The following DEPDC5 variants were observed in gnomAD, a reference collection of about 807,000 sequenced individuals.
DEPDC5 encodes the protein GATOR1 complex protein DEPDC5.
In DEPDC5, 73 loss-of-function variants were observed where a neutral mutation model predicts 217.3. The ratio of observed to expected loss-of-function variants is 0.34; its 90% CI spans 0.28 to 0.41. The LOEUF is 0.41. Ranked by LOEUF, DEPDC5 falls within the 10% of genes least tolerant of loss-of-function variation. The probability of loss-of-function intolerance (pLI) is 1.00; values close to 1 mark genes in which losing one functional copy is unlikely to be tolerated. For missense variants in DEPDC5, 1,675 were observed against 2,070.1 expected (o/e 0.81, Z 3.70); for synonymous variants, 733 against 756.7 (o/e 0.97, Z 0.51).
At chr22:31,899,577 AGATGGGATTTCACCACGTTGGCCAG>A (rs921100755) in intron 40 of DEPDC5, among the ~76,000 whole-genome samples, 1 of 152,080 alleles carries the variant, frequency 6.6e-6, no homozygotes, top group African/African-American at 2.4e-5. Context: ...ATTTTTGTAG[AGATGGGATTTCACCACGTTGGCCAG>A]GAAGGTCTTG....
intron 33 of DEPDC5, among the ~76,000 whole-genome samples, chr22:31,864,328 A>T: frequency 6.7e-6 from 1 of 149,482 alleles, no homozygotes. Context: ...CTGCTCTCGA[A>T]CTCCTAACCT....
chr22:31,763,494 G>C (rs774829141), intron 4 of DEPDC5, among the ~76,000 whole-genome samples: 1 of 151,416 alleles, frequency 6.6e-6, no homozygotes, highest in African/African-American at 2.4e-5. Context: ...CTGGAGTGCA[G>C]TGGTGCAGTC....
intron 24 of DEPDC5, among the ~76,000 whole-genome samples, chr22:31,831,529 C>T (rs1043674717): frequency 2.6e-5 from 4 of 152,078 alleles, no homozygotes; most frequent in African/African-American, 9.7e-5. Context: ...GTGATCTCAG[C>T]TCACTGCAAC....
chr22:31,896,523 C>CT (rs71755369), intron 39 of DEPDC5, among the ~76,000 whole-genome samples: 67 of 146,572 alleles, frequency 4.6e-4, no homozygotes, highest in East Asian at 1.4e-3. Flanking sequence ...ATCGATCAAC[C>CT]TTTTTTTTTT....
intron 5 of DEPDC5, among the ~76,000 whole-genome samples, chr22:31,766,159 T>C (rs2082800951): frequency 6.6e-6 from 1 of 152,266 alleles, no homozygotes; most frequent in Non-Finnish European, 1.5e-5. Flanking sequence ...TGAAACTATA[T>C]GTAAAACTTT....
rs1338048747 is a variant in DEPDC5 at position 31,815,052 on chromosome 22, C to T, written c.1506C>T (p.Ser502=). Residue 502 remains serine, a synonymous_variant, in exon 21 of 43, where the codon TCC becomes TCT. Coordinates refer to ENST00000651528, the MANE Select transcript of DEPDC5 (RefSeq NM_001242896.3). ...GTGCCAGCTCCTGTGATGTTTCATC[C>T]AGCCCTTCCCTACCAAGCCGCACAC... ...RKSASSCDVS[S]SPSLPSRTLP... is the part of the protein sequence containing the mutation. 1 of 1,614,056 alleles carries T rather than the reference C, an allele frequency of 6.2e-7. No individual in the cohort carries two copies. Among genetic ancestry groups the T allele is most frequent in the Non-Finnish European group, 8.5e-7 (1 of 1,180,052 alleles).
intron 8 of DEPDC5, among the ~76,000 whole-genome samples, chr22:31,779,289 G>T (rs1212161283): frequency 6.6e-6 from 1 of 152,182 alleles, no homozygotes; most frequent in Non-Finnish European, 1.5e-5. Flanking sequence ...GTAAATACAT[G>T]TATGTTTGTG....
chr22:31,906,795 A>G lies in DEPDC5; in HGVS notation c.*298A>G. The G allele has an allele frequency of 2.0e-6, 1 of 492,418 alleles. No homozygotes were observed. The highest frequency in any genetic ancestry group is 3.6e-6 in the Non-Finnish European group (1 of 274,228). 30.5% of individuals were successfully genotyped at this position (492,418 alleles called of 1,614,324 possible). ...CCGTGGGAGGGCTCCAGTGTCTGGG[A>G]AGAGGGCAGGCGGCCCCCATGAATG... On this transcript the variant is annotated 3_prime_UTR_variant, in exon 43 of 43. Coordinates refer to ENST00000651528, the MANE Select transcript of DEPDC5 (RefSeq NM_001242896.3). This position sits in a 1 kb window ranked among gnomAD's most constrained non-coding sequence, Gnocchi z 5.1.
chr22:31,855,996 G>A (rs1035103516), intron 31 of DEPDC5, among the ~76,000 whole-genome samples: 12 of 151,976 alleles, frequency 7.9e-5, no homozygotes, highest in Non-Finnish European at 1.8e-4. Context: ...CATATAGGAT[G>A]CTTATTAAGG....
intron 14 of DEPDC5, among the ~76,000 whole-genome samples, chr22:31,799,984 G>T (rs918234158): frequency 5.3e-5 from 8 of 150,964 alleles, no homozygotes. Context: ...TGTGTTTTTA[G>T]TAGAGACAGG....
chr22:31,886,775 AAGAG>A (rs1235219932), intron 38 of DEPDC5, among the ~76,000 whole-genome samples: 5,953 of 133,238 alleles, frequency 0.045, 137 homozygotes, highest in Non-Finnish European at 0.064. Flanking sequence ...AAAAAAAAAA[AAGAG>A]AGAGAGAGAG....
rs1158107923 is a variant in DEPDC5, at chr22:31,869,273, T to C, written c.3331-1317T>C. ...AAAAAAAAGATGCAGCACCATTACA[T>C]GAGGCACAGCTTGGCAGCTACCAGA... On this transcript the variant is annotated intron_variant, in intron 33 of 42. Coordinates refer to ENST00000651528, the MANE Select transcript of DEPDC5 (RefSeq NM_001242896.3). Among the ~76,000 whole-genome samples, 5 of 150,358 alleles carry C rather than the reference T, an allele frequency of 3.3e-5. No homozygotes were observed. In the East Asian group the frequency reaches 9.7e-4, roughly 29 times the overall value.
In DEPDC5 at chr22:31,838,825, G is replaced by A; in HGVS notation, c.2495G>A (p.Ser832Asn). The A allele has an allele frequency of 1.2e-6, 2 of 1,613,986 alleles. No homozygotes were observed. The highest frequency in any genetic ancestry group is 1.3e-5 in the African/African-American group (1 of 75,052). ...CCTGCTGTCCCGCCCCCGCTGAGCA[G>A]TAGCCCACTCTATAGCCGAGGTGAG... ...PNPAVPPPLS[S>N]SPLYSRGLVS... Residue 832 changes from serine to asparagine, a missense_variant, in exon 27 of 43, where the codon AGT (serine) becomes AAT (asparagine). By Grantham distance (46) the Ser-to-Asn change is conservative. Transcript: ENST00000651528.
At position 31,778,017 on chromosome 22, in the gene DEPDC5, G is replaced by A; in HGVS notation, c.414-82G>A. On this transcript the variant is annotated intron_variant, in intron 7 of 42. Coordinates refer to ENST00000651528, the MANE Select transcript of DEPDC5 (RefSeq NM_001242896.3). ...CCCGCCTTGGCTTCCCAAAGTGCTG[G>A]GATTACAGGCGTGAGCTATTGCACC... is the stretch of plus-strand genomic sequence containing the variant. The A allele has an allele frequency of 2.0e-6, 3 of 1,491,870 alleles. No homozygotes were observed. In the South Asian group the frequency reaches 3.4e-5, roughly 17 times the overall value. 92.4% of individuals were successfully genotyped at this position (1,491,870 alleles called of 1,614,324 possible).
chr22:31,879,794 G>A, intron 38 of DEPDC5, 42 bp downstream of exon 38: 1 of 1,565,258 alleles, frequency 6.4e-7, no homozygotes, highest in Non-Finnish European at 8.7e-7. Context: ...TGTGCCAGTG[G>A]GTGGCTGCGG....
In DEPDC5 at chr22:31,838,268, G is replaced by GT. The variant is rs577464695; in HGVS notation, c.2355-409dup. ...AACACTGATTTACAAATTGTTAGTAGTTTTTTTTCATATTTTCTATTATAT... is the reference window on the plus strand; with the variant it reads ...AACACTGATTTACAAATTGTTAGTAGTTTTTTTTTCATATTTTCTATTATAT... On this transcript the variant is annotated intron_variant, in intron 26 of 42. Coordinates refer to ENST00000651528, the MANE Select transcript of DEPDC5 (RefSeq NM_001242896.3). 4.0e-4 allele frequency among the ~76,000 whole-genome samples: 61 copies of GT among 151,740 alleles called. 1 individual carries two copies. Among genetic ancestry groups the GT allele is most frequent in the African/African-American group, 1.3e-3 (52 of 41,382 alleles).
chr22:31,840,076 A>G (rs576462848), intron 27 of DEPDC5, among the ~76,000 whole-genome samples: 18 of 152,360 alleles, frequency 1.2e-4, no homozygotes, highest in Middle Eastern at 3.4e-3. Context: ...TTTATAGCCC[A>G]GTCAGGGAAA....
Position 31,814,976 on chromosome 22 carries a change from G to A in DEPDC5, c.1446-16G>A. 1 of 1,613,636 alleles carries A rather than the reference G, an allele frequency of 6.2e-7. No homozygotes were observed. The highest frequency in any genetic ancestry group is 8.5e-7 in the Non-Finnish European group (1 of 1,179,754). ...ATCCCTCGCTTGATGGTAACTTTTT[G>A]TCTCTTGCCTGGCAGATCTGTGCGA... On this transcript the variant is annotated splice_polypyrimidine_tract_variant and intron_variant, in intron 20 of 42. Coordinates refer to ENST00000651528, the MANE Select transcript of DEPDC5 (RefSeq NM_001242896.3).
At chr22:31,795,143 T>C (rs1601902429) in intron 12 of DEPDC5, among the ~76,000 whole-genome samples, 2 of 144,436 alleles carry the variant, frequency 1.4e-5, no homozygotes, top group East Asian at 4.2e-4. Flanking sequence ...TGATCTCAGC[T>C]CACTGCAACT....
Sources: allele counts gnomAD v4.1 joint callset (sites outside exome capture counted in the v4.1 genomes callset), GRCh38; gene constraint gnomAD v4.1.1; non-coding constraint Gnocchi (gnomAD v3.1); transcripts MANE v1.5; gene names NCBI Gene and HGNC (gene_info 2026-07-23, HGNC 2026-07-21).